The following EPHA4 variants were observed in gnomAD, a reference collection of about 807,000 sequenced individuals.
EPHA4 encodes EPH receptor A4.
EPHA4 carries 19 observed loss-of-function variants against 108.3 expected under a neutral mutation model. That is an observed-to-expected ratio of 0.18 (90% CI 0.12 to 0.26). The LOEUF is 0.26. EPHA4 is among the 10% of genes least tolerant of loss of function. The pLI is 1.00. For missense variants in EPHA4, 917 were observed against 1,254.0 expected (o/e 0.73, Z 4.06); for synonymous variants, 449 against 455.5 (o/e 0.99, Z 0.18).
At chr2:221,548,406 C>T (rs191347340) in intron 3 of EPHA4, among the ~76,000 whole-genome samples, 12 of 152,058 alleles carry the variant, frequency 7.9e-5, no homozygotes, top group African/African-American at 2.9e-4. Context: ...CTCTCTCTCA[C>T]TCCCACTCTC....
At chr2:221,478,270 A>G (rs528027223) in intron 5 of EPHA4, among the ~76,000 whole-genome samples, 2 of 152,296 alleles carry the variant, frequency 1.3e-5, no homozygotes, top group South Asian at 2.1e-4. Flanking sequence ...ACCTTGTTTC[A>G]TTTATACAGT....
chr2:221,537,193 A>G (rs769494869), intron 3 of EPHA4, among the ~76,000 whole-genome samples: 1 of 152,188 alleles, frequency 6.6e-6, no homozygotes, highest in Non-Finnish European at 1.5e-5. Flanking sequence ...GCCTTCTCTC[A>G]TGGAAGTAGC....
intron 3 of EPHA4, among the ~76,000 whole-genome samples, chr2:221,516,474 C>T (rs1032649475): frequency 5.9e-5 from 9 of 151,834 alleles, no homozygotes; most frequent in African/African-American, 2.2e-4. Context: ...CTTGCCTCTG[C>T]CTCCCAAGTA....
At chr2:221,472,047 C>T (rs1402490196) in intron 5 of EPHA4, among the ~76,000 whole-genome samples, 1 of 152,044 alleles carries the variant, frequency 6.6e-6, no homozygotes, top group East Asian at 1.9e-4. Flanking sequence ...CATTGGGTTT[C>T]AACATGAGCC....
At chr2:221,440,848 GC>G (rs1187823485) in intron 11 of EPHA4, among the ~76,000 whole-genome samples, 1 of 152,188 alleles carries the variant, frequency 6.6e-6, no homozygotes, top group Non-Finnish European at 1.5e-5. Flanking sequence ...AAGGTCACAA[GC>G]TTTAGAAGCA....
At chr2:221,496,133 G>A (rs1377363954) in intron 4 of EPHA4, among the ~76,000 whole-genome samples, 3 of 152,170 alleles carry the variant, frequency 2.0e-5, no homozygotes, top group Non-Finnish European at 2.9e-5. Flanking sequence ...TGGGGGCAGC[G>A]TGCGAGTGGG....
chr2:221,559,233 C>T (rs1694387795), intron 3 of EPHA4, among the ~76,000 whole-genome samples: 1 of 152,122 alleles, frequency 6.6e-6, no homozygotes, highest in Admixed American at 6.5e-5. Context: ...TTGATTCTTA[C>T]CTAGCTTAAT....
intron 3 of EPHA4, among the ~76,000 whole-genome samples, chr2:221,539,746 A>C (rs1362322244): frequency 6.6e-6 from 1 of 152,176 alleles, no homozygotes; most frequent in African/African-American, 2.4e-5. Flanking sequence ...GTGGTTTCAG[A>C]GTAGGAGTGA....
intron 3 of EPHA4, among the ~76,000 whole-genome samples, chr2:221,547,193 A>G (rs1694022886): frequency 6.6e-6 from 1 of 152,186 alleles, no homozygotes; most frequent in Non-Finnish European, 1.5e-5. Context: ...GTTCATTGCC[A>G]TTGTTTTATT....
Position 221,571,150 on chromosome 2 carries a change from A to G in EPHA4, c.91+1008T>C, listed in dbSNP as rs1203222560. On this transcript the variant is annotated intron_variant, in intron 1 of 17. Transcript: ENST00000281821. This position sits in a 1 kb window ranked among gnomAD's most constrained non-coding sequence, Gnocchi z 6.3. ...TACACGCAGTTGCACGCGCGCGCACACACACAGGCACACACACGCAGACAT... is the reference window on the plus strand; with the variant it reads ...TACACGCAGTTGCACGCGCGCGCACGCACACAGGCACACACACGCAGACAT... Among the ~76,000 whole-genome samples, 2 of 151,744 alleles carry G rather than the reference A, an allele frequency of 1.3e-5. No individual in the cohort carries two copies. The highest frequency in any genetic ancestry group is 3.0e-5 in the Non-Finnish European group (2 of 67,774).
chr2:221,506,482 C>G (rs914806368), intron 3 of EPHA4, among the ~76,000 whole-genome samples: 1 of 152,136 alleles, frequency 6.6e-6, no homozygotes, highest in Non-Finnish European at 1.5e-5. Context: ...AGGGTTTGCC[C>G]AAGGCAGGGT....
chr2:221,499,116 C>T (rs1692395686), intron 4 of EPHA4, among the ~76,000 whole-genome samples: 1 of 151,162 alleles, frequency 6.6e-6, no homozygotes, highest in Admixed American at 6.6e-5. Context: ...CTGAGACTGA[C>T]CCTAGGATTC....
At chr2:221,437,711 A>C (rs570519742) in intron 11 of EPHA4, among the ~76,000 whole-genome samples, 5 of 151,172 alleles carry the variant, frequency 3.3e-5, no homozygotes, top group Non-Finnish European at 5.9e-5. Context: ...CAGGAGTTCG[A>C]GACAAGCCTG....
intron 13 of EPHA4, 135 bp from the exon 14 acceptor site, chr2:221,434,426 T>C (rs886976775): frequency 2.2e-6 from 2 of 907,372 alleles, no homozygotes; most frequent in Non-Finnish European, 3.3e-6. Context: ...AAGACACTTG[T>C]TCATTTTAAC....
intron 3 of EPHA4, among the ~76,000 whole-genome samples, chr2:221,506,931 A>C (rs542522013): frequency 1.3e-5 from 2 of 152,334 alleles, no homozygotes; most frequent in South Asian, 4.1e-4. Flanking sequence ...TAGTGAGGGG[A>C]ATGGAATTCT....
chr2:221,548,362 CAA>C (rs536224750), intron 3 of EPHA4, among the ~76,000 whole-genome samples: 7 of 137,440 alleles, frequency 5.1e-5, no homozygotes, highest in Admixed American at 1.5e-4. Flanking sequence ...GAGTCCGTCT[CAA>C]AAAAAAAAAA....
At chr2:221,544,705 A>G (rs1370981393) in intron 3 of EPHA4, among the ~76,000 whole-genome samples, 1 of 152,186 alleles carries the variant, frequency 6.6e-6, no homozygotes, top group Non-Finnish European at 1.5e-5. Context: ...TCCAAAATGT[A>G]TATGTTGAAG....
chr2:221,435,612 T>A (rs1416059963), intron 13 of EPHA4, among the ~76,000 whole-genome samples: 1 of 152,192 alleles, frequency 6.6e-6, no homozygotes, highest in Non-Finnish European at 1.5e-5. Context: ...TTTAACAGTG[T>A]CAGTGTTAAT....
chr2:221,472,300 C>CAAA (rs11397333), intron 5 of EPHA4, among the ~76,000 whole-genome samples: 7 of 115,772 alleles, frequency 6.0e-5, no homozygotes, highest in East Asian at 2.4e-4. Context: ...ACTTATTTTA[C>CAAA]AAAAAAAAAA....
Sources: gnomAD v4.1 joint callset for allele counts (sites outside exome capture counted in the v4.1 genomes callset) on GRCh38, gnomAD v4.1.1 for gene constraint, Gnocchi (gnomAD v3.1) non-coding constraint, MANE v1.5 for transcripts, NCBI Gene and HGNC (gene_info 2026-07-23, HGNC 2026-07-21) for gene names.